NFIA: variants seen among roughly 807,000 people sequenced by gnomAD.
NFIA encodes the protein nuclear factor I A, also known as nuclear factor 1 A-type.
In NFIA, 8 loss-of-function variants were observed where a neutral mutation model predicts 62.8. That is an observed-to-expected ratio of 0.13 (90% CI 0.07 to 0.23). The LOEUF (loss-of-function observed/expected upper bound fraction) is 0.23, where lower values mean the gene tolerates loss of function less well. NFIA is among the 10% of genes least tolerant of loss of function. NFIA has a pLI of 1.00. For missense variants in NFIA, 410 were observed against 642.1 expected, an observed-to-expected ratio of 0.64 and a Z score of 3.91; for synonymous variants, 235 against 238.1, an observed-to-expected ratio of 0.99 and a Z score of 0.12.
intron 10 of NFIA, among the ~76,000 whole-genome samples, chr1:61,448,605 T>C (rs534308980): frequency 4.7e-4 from 71 of 152,326 alleles, no homozygotes; most frequent in African/African-American, 1.6e-3. Flanking sequence ...TGAGACCTAG[T>C]GATGCTAACT....
At chr1:61,228,284 C>G (rs1363284194) in intron 2 of NFIA, among the ~76,000 whole-genome samples, 1 of 152,146 alleles carries the variant, frequency 6.6e-6, no homozygotes, top group Non-Finnish European at 1.5e-5. Context: ...AGCATTTTGG[C>G]CAAAGTCCTG....
At chr1:61,370,450 G>A (rs1033704122) in intron 6 of NFIA, among the ~76,000 whole-genome samples, 3 of 152,108 alleles carry the variant, frequency 2.0e-5, no homozygotes, top group African/African-American at 4.8e-5. Context: ...GAAAACTTCC[G>A]GAATAAAACG....
intron 4 of NFIA, among the ~76,000 whole-genome samples, chr1:61,347,623 C>A (rs1421625301): frequency 1.3e-5 from 2 of 152,180 alleles, no homozygotes; most frequent in Non-Finnish European, 2.9e-5. Context: ...TTTCTGATCT[C>A]ACAAGCCAAT....
intron 10 of NFIA, among the ~76,000 whole-genome samples, chr1:61,431,376 A>G (rs758167113): frequency 1.4e-4 from 22 of 152,364 alleles, no homozygotes; most frequent in Middle Eastern, 6.8e-3. Context: ...CAGAACTCCA[A>G]TGAGGACTAA....
intron 2 of NFIA, among the ~76,000 whole-genome samples, chr1:61,191,820 C>T (rs988147683): frequency 6.7e-6 from 1 of 149,532 alleles, no homozygotes; most frequent in African/African-American, 2.5e-5. Context: ...AAATTTTCTT[C>T]TAGATGCTAA....
rs1646130356 is a variant in NFIA, at chr1:61,082,655, T to C, written c.-137T>C. 5 of 1,469,838 alleles carry C rather than the reference T, an allele frequency of 3.4e-6. No individual in the cohort carries two copies. Among genetic ancestry groups the C allele is most frequent in the Non-Finnish European group, 4.6e-6 (5 of 1,093,362 alleles). The allele number at this position is 1,469,838 out of a possible 1,614,324, so 91.0% of individuals were successfully genotyped here. ...ATGTGAACGCAAGAAGCAGGCTTGA[T>C]TTTTTTTTCTCCCCCCTTCTCTCTC... On this transcript the variant is annotated 5_prime_UTR_variant, in exon 1 of 11. Transcript: ENST00000403491.
intron 9 of NFIA, among the ~76,000 whole-genome samples, chr1:61,420,392 T>A (rs1351869104): frequency 6.6e-6 from 1 of 151,980 alleles, no homozygotes; most frequent in Admixed American, 6.6e-5. Context: ...TTTTTTTAAA[T>A]AGCATGACAG....
chr1:61,113,597 A>G (rs1020962205), intron 2 of NFIA, among the ~76,000 whole-genome samples: 4 of 2,182 alleles, frequency 1.8e-3, no homozygotes, highest in African/African-American at 4.5e-3. Context: ...TCCATCTCAG[A>G]AAAAAAAAAA....
At chr1:61,377,937 T>C (rs1041793773) in intron 6 of NFIA, among the ~76,000 whole-genome samples, 5 of 152,212 alleles carry the variant, frequency 3.3e-5, no homozygotes, top group African/African-American at 1.2e-4. Context: ...TAGTTTATGG[T>C]GATCCTTCCC....
At chr1:61,321,980 C>G (rs72911980) in intron 3 of NFIA, among the ~76,000 whole-genome samples, 1 of 152,010 alleles carries the variant, frequency 6.6e-6, no homozygotes, top group African/African-American at 2.4e-5. Context: ...GTGACAAGGC[C>G]TTTGGATTAG....
chr1:61,118,186 A>C (rs899742583), intron 2 of NFIA, among the ~76,000 whole-genome samples: 2 of 75,272 alleles, frequency 2.7e-5, no homozygotes, highest in African/African-American at 7.9e-5. Flanking sequence ...CTCTGTCTCA[A>C]AGAACAAAAA....
At chr1:61,291,780 G>T (rs548280959) in intron 3 of NFIA, among the ~76,000 whole-genome samples, 24 of 152,234 alleles carry the variant, frequency 1.6e-4, no homozygotes, top group South Asian at 1.5e-3. Flanking sequence ...TTACCCCAGG[G>T]AAAGTATAGA....
At chr1:61,082,218 GGAGCGAGCGGGA>G (rs1300458363), upstream of NFIA, 1 of 265,276 alleles carries the variant, frequency 3.8e-6, no homozygotes, top group African/African-American at 2.5e-5. Flanking sequence ...GGGGGGCCGG[GGAGCGAGCGGGA>G]GAGCGAGCAA....
intron 2 of NFIA, among the ~76,000 whole-genome samples, chr1:61,269,378 T>C (rs1405799098): frequency 2.6e-5 from 4 of 152,224 alleles, no homozygotes; most frequent in Non-Finnish European, 5.9e-5. Context: ...TGGCAAATAT[T>C]TTATTGATCA....
At chr1:61,380,794 G>C (rs997311898) in intron 6 of NFIA, among the ~76,000 whole-genome samples, 1 of 152,092 alleles carries the variant, frequency 6.6e-6, no homozygotes, top group Non-Finnish European at 1.5e-5. Context: ...GGTTGTTCCT[G>C]CATGCTGACG....
At chr1:61,335,734 C>G (rs945421410) in intron 4 of NFIA, among the ~76,000 whole-genome samples, 2 of 151,716 alleles carry the variant, frequency 1.3e-5, no homozygotes, top group Non-Finnish European at 2.9e-5. Context: ...CCCACCTACT[C>G]GGGAGGCTGA....
intron 6 of NFIA, among the ~76,000 whole-genome samples, chr1:61,371,968 G>C (rs1299835336): frequency 1.3e-5 from 2 of 152,090 alleles, no homozygotes; most frequent in Non-Finnish European, 2.9e-5. Context: ...ATGATATATA[G>C]CTAGCAACCC....
intron 2 of NFIA, among the ~76,000 whole-genome samples, chr1:61,148,758 CAG>C (rs1648187695): frequency 6.6e-6 from 1 of 152,198 alleles, no homozygotes; most frequent in Non-Finnish European, 1.5e-5. Flanking sequence ...GCATCAGTAT[CAG>C]GGTAAAATGG....
chr1:61,363,219 CTAAGTT>C (rs1168431563), intron 6 of NFIA, among the ~76,000 whole-genome samples: 3 of 152,310 alleles, frequency 2.0e-5, no homozygotes, highest in South Asian at 2.1e-4. Flanking sequence ...ACTTCATAGT[CTAAGTT>C]TATCTTCTAC....
Sources: allele counts gnomAD v4.1 joint callset (sites outside exome capture counted in the v4.1 genomes callset), GRCh38; gene constraint gnomAD v4.1.1; transcripts MANE v1.5; gene names NCBI Gene and HGNC (gene_info 2026-07-23, HGNC 2026-07-21).